Variants in TXNL4B observed in about 807,000 individuals in gnomAD.
The protein encoded by TXNL4B is thioredoxin like 4B.
A neutral mutation model predicts 13.0 loss-of-function variants in TXNL4B; 12 were observed. The ratio of observed to expected loss-of-function variants is 0.92; its 90% confidence interval spans 0.59 to 1.49. The LOEUF (loss-of-function observed/expected upper bound fraction) is 1.49. TXNL4B is among the 40% of genes most tolerant of loss of function. The pLI is 0.00. For synonymous variants in TXNL4B, 59 were observed against 58.9 expected (o/e 1.00, Z -0.01); for missense variants, 214 against 173.6 (o/e 1.23, Z -1.31).
Position 72,086,522 on chromosome 16 carries a change from A to G in TXNL4B, c.*115T>C, listed in dbSNP as rs1483726352. 29 of 1,005,200 alleles carry G rather than the reference A, an allele frequency of 2.9e-5. No homozygotes were observed. The highest frequency in any genetic ancestry group is 3.9e-5 in the Non-Finnish European group (27 of 698,922). The allele number at this position is 1,005,200 out of a possible 1,614,324, so 62.3% of individuals were successfully genotyped here. A position where few individuals can be genotyped will look rare whatever the true frequency, so the allele number is the denominator to read the frequency against. ...GCCGGGTTTTCTACACGCAAGTCAA[A>G]CCTCTTCTCCTCTGGGACACATGTT... On this transcript the variant is annotated 3_prime_UTR_variant, in exon 4 of 4. Coordinates refer to ENST00000268483, the MANE Select transcript of TXNL4B (RefSeq NM_017853.3).
chr16:72,088,852 G>C, intron 3 of TXNL4B, 135 bp downstream of exon 3: 1 of 559,990 alleles, frequency 1.8e-6, no homozygotes, highest in Non-Finnish European at 3.0e-6. Flanking sequence ...AAAAATTAGA[G>C]AGTGCGTCAA....
At chr16:72,091,008 G>C (rs531003507) in intron 1 of TXNL4B, among the ~76,000 whole-genome samples, 9 of 152,226 alleles carry the variant, frequency 5.9e-5, no homozygotes, top group Admixed American at 2.6e-4. Flanking sequence ...AGTTTCTCAT[G>C]TATCTTTCAG....
chr16:72,086,429 G>A lies in TXNL4B; in HGVS notation c.*208C>T. ...AACACCAATGACTTGGCTGCTCTGA[G>A]GCTTGCAGGGAGTAGACAGTTAGGC... is the stretch of plus-strand genomic sequence containing the variant. On this transcript the variant is annotated 3_prime_UTR_variant, in exon 4 of 4. Coordinates refer to ENST00000268483, the MANE Select transcript of TXNL4B (RefSeq NM_017853.3). The A allele has an allele frequency of 2.2e-6, 1 of 448,052 alleles. No individual in the cohort carries two copies. The highest frequency in any genetic ancestry group is 4.5e-5 in the South Asian group (1 of 22,244). The allele number at this position is 448,052 out of a possible 1,614,324, so 27.8% of individuals were successfully genotyped here. A position where few individuals can be genotyped will look rare whatever the true frequency, so the allele number is the denominator to read the frequency against.
chr16:72,089,223 T>A (rs991380873), intron 2 of TXNL4B, 85 bp from the exon 3 acceptor site: 24 of 1,286,632 alleles, frequency 1.9e-5, no homozygotes, highest in Middle Eastern at 3.8e-4. Flanking sequence ...CAACAGAGTG[T>A]TTTGTTTGAA....
In TXNL4B at chr16:72,086,927, AT is replaced by A. The variant is rs1439813941; in HGVS notation, c.285-126del. ...TCTTCTTGTCAATGAGACTTCAGAA[AT>A]AAAGCCCAACATTAATTTTTCAATC... is the stretch of plus-strand genomic sequence containing the variant. On this transcript the variant is annotated intron_variant, in intron 3 of 3. Transcript: ENST00000268483. The A allele has an allele frequency of 9.7e-6, 7 of 720,782 alleles. No homozygotes were observed. In the Admixed American group the frequency reaches 2.3e-4, roughly 23 times the overall value. 44.6% of individuals were successfully genotyped at this position (720,782 alleles called of 1,614,324 possible).
intron 2 of TXNL4B, among the ~76,000 whole-genome samples, chr16:72,089,800 C>T (rs571379555): frequency 6.6e-6 from 1 of 152,292 alleles, no homozygotes; most frequent in South Asian, 2.1e-4. Flanking sequence ...CTCATTTAAT[C>T]CTTACATCAT....
intron 2 of TXNL4B, among the ~76,000 whole-genome samples, chr16:72,090,371 C>G (rs919639031): frequency 1.3e-5 from 2 of 152,142 alleles, no homozygotes; most frequent in Admixed American, 6.5e-5. Context: ...TAGTTTTCTG[C>G]TCTTCCATCA....
chr16:72,092,036 T>C (rs1028260534), intron 1 of TXNL4B, among the ~76,000 whole-genome samples: 1 of 152,234 alleles, frequency 6.6e-6, no homozygotes, highest in East Asian at 1.9e-4. Flanking sequence ...AGAGACTCCA[T>C]TGAGATGGTC....
At chr16:72,093,865 G>A (rs1178952367), upstream of TXNL4B, 1 of 152,334 alleles carries the variant, frequency 6.6e-6, no homozygotes, top group Non-Finnish European at 1.5e-5. Context: ...CCAGGAATCG[G>A]GCGTGTTCCA....
intron 2 of TXNL4B, among the ~76,000 whole-genome samples, chr16:72,089,711 G>GA (rs1227893202): frequency 6.6e-6 from 1 of 152,204 alleles, no homozygotes; most frequent in Non-Finnish European, 1.5e-5. Context: ...TCCCAGAAAT[G>GA]AAAACCACGA....
chr16:72,092,258 A>G (rs1238878504), intron 1 of TXNL4B, among the ~76,000 whole-genome samples: 1 of 152,132 alleles, frequency 6.6e-6, no homozygotes, highest in Non-Finnish European at 1.5e-5. Flanking sequence ...AAAATACAAA[A>G]AATTAGCCGG....
At chr16:72,088,096 C>T (rs373198579) in intron 3 of TXNL4B, among the ~76,000 whole-genome samples, 44 of 151,978 alleles carry the variant, frequency 2.9e-4, no homozygotes, top group African/African-American at 9.4e-4. Flanking sequence ...TGGGATTACA[C>T]GCGTGAGCCA....
intron 1 of TXNL4B, among the ~76,000 whole-genome samples, chr16:72,092,046 C>T (rs558244948): frequency 6.6e-6 from 1 of 152,150 alleles, no homozygotes. Flanking sequence ...TTGAGATGGT[C>T]GGTATTTTGA....
chr16:72,090,908 G>C, intron 1 of TXNL4B, 122 bp from the exon 2 acceptor site: 1 of 786,990 alleles, frequency 1.3e-6, no homozygotes, highest in Non-Finnish European at 2.0e-6. Flanking sequence ...TCATAGAAAG[G>C]TAACACTGTG....
At chr16:72,088,466 C>A (rs1245088437) in intron 3 of TXNL4B, among the ~76,000 whole-genome samples, 1 of 152,196 alleles carries the variant, frequency 6.6e-6, no homozygotes. Flanking sequence ...TTATTCTTGA[C>A]AGGCTTTGTT....
intron 3 of TXNL4B, among the ~76,000 whole-genome samples, chr16:72,087,076 C>G (rs1184794160): frequency 6.6e-6 from 1 of 152,180 alleles, no homozygotes; most frequent in Non-Finnish European, 1.5e-5. Context: ...TTTATCACTT[C>G]TCAAATCATC....
Position 72,086,615 on chromosome 16 carries a change from A to G in TXNL4B, c.*22T>C. 1 of 1,600,938 alleles carries G rather than the reference A, an allele frequency of 6.2e-7. No individual in the cohort carries two copies. The highest frequency in any genetic ancestry group is 1.7e-5 in the Admixed American group (1 of 59,776). ...TGTGTCAAGATGTGCCTTCTTCTTC[A>G]TCTTTGACAGCAATTAATGTACTAA... On this transcript the variant is annotated 3_prime_UTR_variant, in exon 4 of 4. Transcript: ENST00000268483.
rs2041825885 is a variant in TXNL4B at position 72,086,571 on chromosome 16, C to A, written c.*66G>T. On this transcript the variant is annotated 3_prime_UTR_variant, in exon 4 of 4. Transcript: ENST00000268483. ...TTTCCAAAGGACTCCAGAAACACAG[C>A]ACAGCTGGATTCAGGTACTGTGTCA... 8 of 1,461,926 alleles carry A rather than the reference C, an allele frequency of 5.5e-6. No homozygotes were observed. Among genetic ancestry groups the A allele is most frequent in the African/African-American group, 2.8e-5 (2 of 71,660 alleles). The allele number at this position is 1,461,926 out of a possible 1,614,324, so 90.6% of individuals were successfully genotyped here.
chr16:72,090,242 T>C (rs112764704), intron 2 of TXNL4B: 6 of 460,160 alleles, frequency 1.3e-5, no homozygotes, highest in African/African-American at 6.0e-5. Context: ...ATATAGTGGA[T>C]CTGCACCTGT....
Sources: allele counts gnomAD v4.1 joint callset (sites outside exome capture counted in the v4.1 genomes callset), GRCh38; gene constraint gnomAD v4.1.1; transcripts MANE v1.5; gene names NCBI Gene and HGNC (gene_info 2026-07-23, HGNC 2026-07-21).